Variants in OSBPL6 observed in about 807,000 individuals in gnomAD.
The protein encoded by OSBPL6 is oxysterol-binding protein-related protein 6.
Under a neutral mutation model 125.8 loss-of-function variants are expected in OSBPL6, and 49 were observed. That is an observed-to-expected ratio of 0.39 (90% CI 0.31 to 0.49). OSBPL6 has a LOEUF of 0.49. OSBPL6 is among the 20% of genes least tolerant of loss of function. The pLI is 0.88. For missense variants in OSBPL6, 986 were observed against 1,135.4 expected (o/e 0.87, Z 1.89); for synonymous variants, 394 against 391.8 (o/e 1.01, Z -0.07).
At chr2:178,256,768 A>C (rs1175041731) in intron 1 of OSBPL6, among the ~76,000 whole-genome samples, 2 of 152,220 alleles carry the variant, frequency 1.3e-5, no homozygotes, top group African/African-American at 4.8e-5. Flanking sequence ...TTTTTGAACC[A>C]GAATATGCTT....
chr2:178,313,862 T>C (rs1687511744), intron 3 of OSBPL6, among the ~76,000 whole-genome samples: 2 of 152,340 alleles, frequency 1.3e-5, no homozygotes, highest in South Asian at 4.1e-4. Flanking sequence ...AACCATGGGA[T>C]AGTGGCATGG....
chr2:178,285,606 A>G (rs146794814), intron 2 of OSBPL6, among the ~76,000 whole-genome samples: 103 of 152,362 alleles, frequency 6.8e-4, no homozygotes, highest in African/African-American at 2.3e-3. Context: ...CTGTGGTACT[A>G]GCAATACTTT....
At chr2:178,303,416 T>G (rs1686471271) in intron 2 of OSBPL6, among the ~76,000 whole-genome samples, 1 of 152,186 alleles carries the variant, frequency 6.6e-6, no homozygotes, top group African/African-American at 2.4e-5. Context: ...CTTTTAGGTA[T>G]TCTCTATAAA....
At chr2:178,351,885 G>A (rs1297218618) in intron 12 of OSBPL6, among the ~76,000 whole-genome samples, 2 of 152,106 alleles carry the variant, frequency 1.3e-5, no homozygotes, top group African/African-American at 2.4e-5. Context: ...GATAATTATT[G>A]GGTACTGGGC....
At chr2:178,359,378 A>G (rs1574964104) in intron 12 of OSBPL6, among the ~76,000 whole-genome samples, 1 of 152,296 alleles carries the variant, frequency 6.6e-6, no homozygotes, top group Admixed American at 6.5e-5. Flanking sequence ...ACCTGTTAGG[A>G]TAGTTATTAA....
At chr2:178,291,726 C>T (rs112004578) in intron 2 of OSBPL6, among the ~76,000 whole-genome samples, 3 of 148,930 alleles carry the variant, frequency 2.0e-5, no homozygotes, top group South Asian at 2.2e-4. Context: ...CCCTCCCTCC[C>T]TCCTTCCTTT....
chr2:178,323,693 C>T (rs1003287061), intron 3 of OSBPL6: 1 of 152,246 alleles, frequency 6.6e-6, no homozygotes, highest in East Asian at 1.9e-4. Context: ...AAACTCCTGA[C>T]CTCAAGTGAT....
At chr2:178,387,728 G>A (rs565855581) in intron 20 of OSBPL6, among the ~76,000 whole-genome samples, 1 of 152,346 alleles carries the variant, frequency 6.6e-6, no homozygotes, top group Non-Finnish European at 1.5e-5. Context: ...ATGTAGGCCA[G>A]GCACGGTGGC....
intron 2 of OSBPL6, among the ~76,000 whole-genome samples, chr2:178,289,371 A>G (rs988429390): frequency 1.3e-5 from 2 of 152,204 alleles, no homozygotes; most frequent in African/African-American, 2.4e-5. Flanking sequence ...TTTCAAACTT[A>G]GGCTTTTGTA....
intron 1 of OSBPL6, among the ~76,000 whole-genome samples, chr2:178,221,871 ACTGTGAAGTGAC>A (rs2090354645): frequency 6.6e-6 from 1 of 152,234 alleles, no homozygotes; most frequent in African/African-American, 2.4e-5. Flanking sequence ...TCAGATCTGT[ACTGTGAAGTGAC>A]CTGTCACAGG....
chr2:178,285,403 C>T (rs186615217), intron 2 of OSBPL6, among the ~76,000 whole-genome samples: 5 of 152,102 alleles, frequency 3.3e-5, no homozygotes, highest in Admixed American at 3.3e-4. Context: ...CTGCTTTTCC[C>T]TTCTTGAGCA....
intron 1 of OSBPL6, chr2:178,230,344 T>C (rs1255651677): frequency 6.6e-6 from 1 of 152,218 alleles, no homozygotes; most frequent in Non-Finnish European, 1.5e-5. Flanking sequence ...CTGAAGGCAG[T>C]TTGCAGTTTT....
intron 1 of OSBPL6, among the ~76,000 whole-genome samples, chr2:178,239,091 C>T (rs1349851350): frequency 2.6e-5 from 4 of 152,194 alleles, no homozygotes; most frequent in Non-Finnish European, 5.9e-5. Flanking sequence ...CACTGATCCC[C>T]ATTAATGGTA....
At chr2:178,280,864 T>G (rs1457788147) in intron 1 of OSBPL6, among the ~76,000 whole-genome samples, 4 of 149,368 alleles carry the variant, frequency 2.7e-5, no homozygotes, top group African/African-American at 9.7e-5. Flanking sequence ...TTATTAGACC[T>G]TTGTCAGAGA....
chr2:178,250,366 C>T (rs185225343), intron 1 of OSBPL6, among the ~76,000 whole-genome samples: 55 of 152,254 alleles, frequency 3.6e-4, no homozygotes, highest in African/African-American at 1.3e-3. Context: ...TATCCCAGAC[C>T]AGGCCAGCAT....
intron 1 of OSBPL6, among the ~76,000 whole-genome samples, chr2:178,217,948 C>T (rs750060465): frequency 6.6e-6 from 1 of 152,186 alleles, no homozygotes; most frequent in Non-Finnish European, 1.5e-5. Flanking sequence ...TCCGTGTCCT[C>T]ACTATCTGCC....
At chr2:178,268,481 C>T in intron 1 of OSBPL6, among the ~76,000 whole-genome samples, 1 of 152,096 alleles carries the variant, frequency 6.6e-6, no homozygotes, top group Non-Finnish European at 1.5e-5. Context: ...ACAAAACTAC[C>T]TCCAGATGAA....
At chr2:178,325,388 G>A (rs1025518763) in intron 4 of OSBPL6, among the ~76,000 whole-genome samples, 1 of 152,108 alleles carries the variant, frequency 6.6e-6, no homozygotes, top group East Asian at 1.9e-4. Flanking sequence ...TCTTTAAACT[G>A]TAAAGATATG....
chr2:178,365,779 C>G (rs1692770858), intron 13 of OSBPL6, among the ~76,000 whole-genome samples: 1 of 152,176 alleles, frequency 6.6e-6, no homozygotes, highest in Non-Finnish European at 1.5e-5. Context: ...AACTTTCACA[C>G]TTGAGAGGGA....
Sources: allele counts gnomAD v4.1 joint callset (sites outside exome capture counted in the v4.1 genomes callset), GRCh38; gene constraint gnomAD v4.1.1; transcripts MANE v1.5; gene names NCBI Gene and HGNC (gene_info 2026-07-23, HGNC 2026-07-21).